The following ADAMTSL3 variants were observed in gnomAD, a reference collection of about 807,000 sequenced individuals.
ADAMTSL3 encodes ADAMTS-like protein 3.
ADAMTSL3 carries 128 observed loss-of-function variants against 201.7 expected under a neutral mutation model. The observed-to-expected ratio is 0.63, with a 90% CI of 0.55 to 0.73. The LOEUF (loss-of-function observed/expected upper bound fraction) is 0.73, where lower values mean the gene tolerates loss of function less well. Among genes scored for constraint, ADAMTSL3 ranks in the 30% least tolerant of loss-of-function variants. ADAMTSL3 has a pLI of 0.00. For synonymous variants in ADAMTSL3, 738 were observed against 748.4 expected, an observed-to-expected ratio of 0.99 and a Z score of 0.23; for missense variants, 1,990 against 2,119.6, an observed-to-expected ratio of 0.94 and a Z score of 1.20.
At chr15:83,880,822 C>T (rs187907124) in intron 9 of ADAMTSL3, among the ~76,000 whole-genome samples, 16 of 152,302 alleles carry the variant, frequency 1.1e-4, no homozygotes, top group African/African-American at 3.6e-4. Flanking sequence ...GCCAGGGTTG[C>T]AGGAGGTGGT....
chr15:83,821,088 A>T (rs2063856559), intron 6 of ADAMTSL3, among the ~76,000 whole-genome samples: 1 of 151,998 alleles, frequency 6.6e-6, no homozygotes, highest in Admixed American at 6.6e-5. Context: ...AAAAAAAAAA[A>T]TTAAAAAGAC....
At chr15:83,680,188 G>T (rs1028872429) in intron 2 of ADAMTSL3, among the ~76,000 whole-genome samples, 6 of 152,048 alleles carry the variant, frequency 3.9e-5, no homozygotes, top group African/African-American at 1.2e-4. Context: ...TGGCATTTAT[G>T]AGTTGCATTG....
At chr15:84,018,570 G>A (rs1401798918) in intron 25 of ADAMTSL3, among the ~76,000 whole-genome samples, 1 of 152,134 alleles carries the variant, frequency 6.6e-6, no homozygotes, top group Non-Finnish European at 1.5e-5. Flanking sequence ...TAAAGGATGA[G>A]GTGAAACCAT....
chr15:83,774,130 G>T (rs191101909), intron 4 of ADAMTSL3, among the ~76,000 whole-genome samples: 165 of 152,310 alleles, frequency 1.1e-3, no homozygotes, highest in Non-Finnish European at 1.9e-3. Context: ...CTGTAAATTT[G>T]TAATAAGCCT....
At chr15:83,692,685 C>CAAAAAA (rs766382952) in intron 2 of ADAMTSL3, among the ~76,000 whole-genome samples, 3 of 43,296 alleles carry the variant, frequency 6.9e-5, no homozygotes, top group Non-Finnish European at 9.3e-5. Context: ...GACTCCATCT[C>CAAAAAA]AAAAAAAAAA....
chr15:83,738,427 G>A (rs1242591296), intron 3 of ADAMTSL3, among the ~76,000 whole-genome samples: 2 of 152,140 alleles, frequency 1.3e-5, no homozygotes, highest in Admixed American at 6.5e-5. Context: ...TTAGATGGCA[G>A]TATACCATAT....
intron 4 of ADAMTSL3, among the ~76,000 whole-genome samples, chr15:83,789,105 C>A (rs1429702246): frequency 6.6e-6 from 1 of 152,172 alleles, no homozygotes; most frequent in African/African-American, 2.4e-5. Context: ...GCCACCACAC[C>A]CAGCCGTGTT....
chr15:83,850,541 T>C (rs2064591398), intron 7 of ADAMTSL3, among the ~76,000 whole-genome samples: 1 of 151,284 alleles, frequency 6.6e-6, no homozygotes, highest in Non-Finnish European at 1.5e-5. Flanking sequence ...GAACACTCTT[T>C]TAATCACGTC....
intron 3 of ADAMTSL3, among the ~76,000 whole-genome samples, chr15:83,761,141 AGTG>A (rs1340841322): frequency 6.6e-6 from 1 of 151,838 alleles, no homozygotes; most frequent in Non-Finnish European, 1.5e-5. Flanking sequence ...TGTTTTTTTT[AGTG>A]GTAACTCTAG....
At chr15:83,827,602 AT>A (rs1232563358) in intron 6 of ADAMTSL3, among the ~76,000 whole-genome samples, 9 of 152,286 alleles carry the variant, frequency 5.9e-5, no homozygotes, top group Admixed American at 5.2e-4. Flanking sequence ...TATGTCCTGA[AT>A]GGTATTGCCT....
At chr15:83,933,888 A>C (rs1442678929) in intron 17 of ADAMTSL3, among the ~76,000 whole-genome samples, 3 of 152,208 alleles carry the variant, frequency 2.0e-5, no homozygotes, top group African/African-American at 4.8e-5. Context: ...CTGCAGGTGC[A>C]CAGAAGCAAA....
At chr15:83,667,517 GTTTT>G (rs35255014) in intron 2 of ADAMTSL3, among the ~76,000 whole-genome samples, 5 of 120,360 alleles carry the variant, frequency 4.2e-5, no homozygotes, top group African/African-American at 1.3e-4. Flanking sequence ...AATTATGAAG[GTTTT>G]TTTTTTTTTT....
chr15:84,029,052 T>C lies in ADAMTSL3; in HGVS notation c.4657-2283T>C, dbSNP rs534796773. Among the ~76,000 whole-genome samples the C allele has an allele frequency of 4.6e-5, 7 of 152,344 alleles. No individual in the cohort carries two copies. The East Asian group carries it at 1.3e-3, about 29-fold the overall frequency. On this transcript the variant is annotated intron_variant, in intron 27 of 29. Transcript: ENST00000286744. Reference sequence around the variant, plus strand: ...TAAACCTCTTTCCTTTGTAAATTACTCAGTCTCAGGTATTTCTTTATAGAA... The same window carrying C: ...TAAACCTCTTTCCTTTGTAAATTACCCAGTCTCAGGTATTTCTTTATAGAA...
intron 23 of ADAMTSL3, among the ~76,000 whole-genome samples, chr15:83,995,872 A>G: frequency 6.6e-6 from 1 of 152,216 alleles, no homozygotes; most frequent in Admixed American, 6.5e-5. Context: ...TCAAATATAA[A>G]GACTTAGCAT....
At chr15:83,877,909 T>C (rs1475510708) in intron 9 of ADAMTSL3, among the ~76,000 whole-genome samples, 1 of 152,184 alleles carries the variant, frequency 6.6e-6, no homozygotes, top group East Asian at 1.9e-4. Context: ...TTTTTGTGTA[T>C]TGACATTATA....
intron 3 of ADAMTSL3, among the ~76,000 whole-genome samples, chr15:83,737,444 G>C (rs2062385466): frequency 6.6e-6 from 1 of 152,132 alleles, no homozygotes; most frequent in African/African-American, 2.4e-5. Flanking sequence ...CACGAGATCT[G>C]ATGGTTTTAT....
At chr15:83,934,397 T>A (rs2066422936) in intron 17 of ADAMTSL3, among the ~76,000 whole-genome samples, 1 of 152,232 alleles carries the variant, frequency 6.6e-6, no homozygotes, top group African/African-American at 2.4e-5. Flanking sequence ...ATTTACACAA[T>A]GCCTGTACCC....
chr15:83,760,004 C>CT (rs1487632835), intron 3 of ADAMTSL3, among the ~76,000 whole-genome samples: 8 of 151,766 alleles, frequency 5.3e-5, no homozygotes, highest in Admixed American at 2.6e-4. Flanking sequence ...TTTTATTAGT[C>CT]TTTTTTAATT....
intron 3 of ADAMTSL3, among the ~76,000 whole-genome samples, chr15:83,738,854 C>T (rs1263177959): frequency 6.6e-6 from 1 of 151,800 alleles, no homozygotes; most frequent in Non-Finnish European, 1.5e-5. Context: ...CGAGATTCTG[C>T]CACTGCATTC....
Sources: allele counts gnomAD v4.1 joint callset (sites outside exome capture counted in the v4.1 genomes callset), GRCh38; gene constraint gnomAD v4.1.1; transcripts MANE v1.5; gene names NCBI Gene and HGNC (gene_info 2026-07-23, HGNC 2026-07-21).